The following PGR variants were observed in gnomAD, a reference collection of about 807,000 sequenced individuals.
The protein encoded by PGR is progesterone receptor, also known as nuclear receptor subfamily 3 group C member 3.
PGR carries 25 observed loss-of-function variants against 76.1 expected under a neutral mutation model. That is an observed-to-expected ratio of 0.33 (90% CI 0.24 to 0.46). The LOEUF (loss-of-function observed/expected upper bound fraction) is 0.46, where lower values mean the gene tolerates loss of function less well. Among genes scored for constraint, PGR ranks in the 20% least tolerant of loss-of-function variants. The probability of loss-of-function intolerance (pLI) is 1.00; values close to 1 mark genes in which losing one functional copy is unlikely to be tolerated. For synonymous variants in PGR, 579 were observed against 535.0 expected, an observed-to-expected ratio of 1.08 and a Z score of -1.14; for missense variants, 1,172 against 1,225.3, an observed-to-expected ratio of 0.96 and a Z score of 0.65.
At chr11:101,046,572 T>C (rs1859896263) in intron 6 of PGR, among the ~76,000 whole-genome samples, 1 of 151,974 alleles carries the variant, frequency 6.6e-6, no homozygotes, top group South Asian at 2.1e-4. Flanking sequence ...TACCAAATTA[T>C]CAAAGTTTTA....
Position 101,041,930 on chromosome 11 carries a change from C to T in PGR, c.2646+15G>A. 1 of 1,606,438 alleles carries T rather than the reference C, an allele frequency of 6.2e-7. No homozygotes were observed. ...AGAATAATCATTGATATTCTGGAATCAACCAAATACTTACATCATGCAAGT... is the reference window on the plus strand; with the variant it reads ...AGAATAATCATTGATATTCTGGAATTAACCAAATACTTACATCATGCAAGT... On this transcript the variant is annotated intron_variant, in intron 7 of 7. Coordinates refer to ENST00000325455, the MANE Select transcript of PGR (RefSeq NM_000926.4).
chr11:101,114,651 A>T (rs1862445502), intron 2 of PGR, among the ~76,000 whole-genome samples: 1 of 151,982 alleles, frequency 6.6e-6, no homozygotes, highest in South Asian at 2.1e-4. Flanking sequence ...GAGTAAAATG[A>T]TCATGTACTT....
intron 2 of PGR, among the ~76,000 whole-genome samples, chr11:101,125,296 G>C (rs185138523): frequency 9.2e-5 from 14 of 152,152 alleles, no homozygotes; most frequent in African/African-American, 2.2e-4. Context: ...AAGTAAATCT[G>C]AAATCATTAA....
intron 2 of PGR, among the ~76,000 whole-genome samples, chr11:101,111,452 T>C (rs520017): frequency 0.12 from 17,829 of 152,224 alleles, 1,358 homozygotes; most frequent in Non-Finnish European, 0.16. Context: ...CTATTCCCCA[T>C]TGCTTCTAGA....
rs1042838 is a variant in PGR at position 101,062,681 on chromosome 11, C to A, written c.1978G>T (p.Val660Leu). The A allele has an allele frequency of 0.15, 237,660 of 1,613,600 alleles. 19,162 individuals are homozygous for A. Among genetic ancestry groups the A allele is most frequent in the Non-Finnish European group, 0.16 (191,821 of 1,179,686 alleles). ...GCTTGGCTTTCATTTGGAACGCCCA[C>A]TGGCTGTGGGAGAGCAACAGCATCC... Reference protein sequence around the residue: ...ALDAVALPQPVGVPNESQALS... With the variant: ...ALDAVALPQPLGVPNESQALS... Residue 660 changes from valine (V) to leucine (L), a missense_variant, in exon 4 of 8, where the codon GTG becomes TTG. Val to Leu is a conservative substitution (Grantham distance 32). Around this residue, in one of 4 missense-constraint regions of PGR, gnomAD observed 73 missense variants for 60.7 expected, o/e 1.20. Transcript: ENST00000325455.
At chr11:101,121,163 T>G (rs1862662126) in intron 2 of PGR, among the ~76,000 whole-genome samples, 1 of 152,200 alleles carries the variant, frequency 6.6e-6, no homozygotes, top group Non-Finnish European at 1.5e-5. Flanking sequence ...TCTAGTGAAT[T>G]ACTACATATT....
At chr11:101,083,003 C>A (rs572775) in intron 3 of PGR, among the ~76,000 whole-genome samples, 3 of 152,152 alleles carry the variant, frequency 2.0e-5, no homozygotes, top group Non-Finnish European at 2.9e-5. Context: ...ACAGCAGCCC[C>A]TCCCATCACA....
Position 101,129,054 on chromosome 11 carries a change from G to A in PGR, c.17C>T (p.Ala6Val), listed in dbSNP as rs202123793. Residue 6 changes from alanine to valine, a missense_variant, in exon 1 of 8, where the codon GCA becomes GTA. Ala to Val is a moderately conservative substitution (Grantham distance 64). Transcript: ENST00000325455. The part of the protein sequence containing the change: MTELK[A>V]KGPRAPHVAG... ...CACGTGGGGAGCCCGGGGACCCTTT[G>A]CCTTCAGCTCAGTCATGACGACTGG... is the stretch of plus-strand genomic sequence containing the variant. 1.3e-6 allele frequency: 2 copies of A among 1,554,962 alleles called. No individual in the cohort carries two copies. The highest frequency in any genetic ancestry group is 4.7e-5 in the East Asian group (2 of 42,476).
Position 101,128,161 on chromosome 11 carries a change from T to A in PGR, c.910A>T (p.Ile304Phe), listed in dbSNP as rs1160724466. The change falls in exon 1 of 8, where the codon ATC becomes TTC. Residue 304 changes from isoleucine to phenylalanine, a missense_variant. By Grantham distance (21) the Ile-to-Phe change is conservative. Around this residue, in one of 4 missense-constraint regions of PGR, gnomAD observed 893 missense variants for 785.9 expected, o/e 1.14. Transcript: ENST00000325455. ...TTGAGAGGCAGGATAGGCACGTGGA[T>A]GAAATCCATCACCGTGGTGGCCAGC... ...SPLATTVMDF[I>F]HVPILPLNHA... The A allele has an allele frequency of 6.3e-7, 1 of 1,598,124 alleles. No homozygotes were observed. Among genetic ancestry groups the A allele is most frequent in the African/African-American group, 1.3e-5 (1 of 74,874 alleles).
chr11:101,062,610 C>T lies in PGR; in HGVS notation c.2049G>A (p.Leu683=), dbSNP rs1302610596. Residue 683 remains leucine (L), a synonymous_variant, in exon 4 of 8, where the codon TTG becomes TTA. Coordinates refer to ENST00000325455, the MANE Select transcript of PGR (RefSeq NM_000926.4). ...TTAACAGGTTGATCAGTGGTGGAAT[C>T]AACTGTATGTCTTGACCTGGTGAAA... ...FTFSPGQDIQ[L]IPPLINLLMS... is the part of the protein sequence containing the mutation. 1.9e-6 allele frequency: 3 copies of T among 1,613,852 alleles called. No homozygotes were observed. The highest frequency in any genetic ancestry group is 3.3e-5 in the Admixed American group (2 of 59,978).
intron 2 of PGR, among the ~76,000 whole-genome samples, chr11:101,111,792 A>G (rs910850867): frequency 1.3e-5 from 2 of 152,150 alleles, no homozygotes; most frequent in Non-Finnish European, 2.9e-5. Context: ...TCTGGGCTGG[A>G]GATAGAAATT....
chr11:101,058,517 A>C (rs1236022364), intron 4 of PGR, among the ~76,000 whole-genome samples: 2 of 152,218 alleles, frequency 1.3e-5, no homozygotes, highest in African/African-American at 4.8e-5. Context: ...TGATAATTGC[A>C]AGTAGTCTGG....
chr11:101,084,215 T>A (rs952708730), intron 3 of PGR, among the ~76,000 whole-genome samples: 1 of 152,200 alleles, frequency 6.6e-6, no homozygotes, highest in Admixed American at 6.5e-5. Context: ...CTGCCTTGAT[T>A]GTAAGTTTCC....
rs867146344 is a variant in PGR at position 101,036,582 on chromosome 11, G to T, written c.*2534C>A. The T allele has an allele frequency of 4.6e-5, 9 of 196,330 alleles. No individual in the cohort carries two copies. Among genetic ancestry groups the T allele is most frequent in the Middle Eastern group, 1.8e-3 (1 of 568 alleles). The allele number at this position is 196,330 out of a possible 1,614,324, so 12.2% of individuals were successfully genotyped here. On this transcript the variant is annotated 3_prime_UTR_variant, in exon 8 of 8. Transcript: ENST00000325455. ...ACATTAGTAGATAGGACTTTGTAGAGAAAAAGATTTAGAAATTAGGTATTT... is the reference window on the plus strand; with the variant it reads ...ACATTAGTAGATAGGACTTTGTAGATAAAAAGATTTAGAAATTAGGTATTT...
chr11:101,128,903 G>A lies in PGR; in HGVS notation c.168C>T (p.Asp56=), dbSNP rs201221939. 1.5e-5 allele frequency: 25 copies of A among 1,613,956 alleles called. No homozygotes were observed. In the Admixed American group the frequency reaches 4.0e-4, roughly 26 times the overall value. ...GGCAGGGCCGAGGGAAGAGTAGCCC[G>A]TCCAGGGAGATAGGTATGGCCGAAA... ...PEVSAIPISL[D]GLLFPRPCQG... Residue 56 remains aspartate (D), a synonymous_variant, in exon 1 of 8, where the codon GAC becomes GAT. Coordinates refer to ENST00000325455, the MANE Select transcript of PGR (RefSeq NM_000926.4).
In PGR at chr11:101,128,333, G is replaced by T. The variant is rs1474208702; in HGVS notation, c.738C>A (p.Gly246=). 6.9e-6 allele frequency: 11 copies of T among 1,598,024 alleles called. No individual in the cohort carries two copies. The highest frequency in any genetic ancestry group is 8.5e-6 in the Non-Finnish European group (10 of 1,177,640). The change falls in exon 1 of 8, where the codon GGC becomes GGA. Residue 246 remains glycine, a synonymous_variant. Coordinates refer to ENST00000325455, the MANE Select transcript of PGR (RefSeq NM_000926.4). ...CCGCGGCTCCTCCTCCAGCCGCCGC[G>T]CCACCCAGAGCCCGAGGTTTGCCCT... ...LLKGKPRALG[G]AAAGGGAAAV...
intron 7 of PGR, 176 bp downstream of exon 7, chr11:101,041,769 T>C: frequency 1.7e-6 from 1 of 600,254 alleles, no homozygotes; most frequent in South Asian, 2.0e-5. Flanking sequence ...GAGTGGTCTA[T>C]ATTGAAAATG....
At chr11:101,039,635 A>G (rs1859632568) in intron 7 of PGR, among the ~76,000 whole-genome samples, 1 of 151,950 alleles carries the variant, frequency 6.6e-6, no homozygotes, top group Admixed American at 6.6e-5. Flanking sequence ...CATAAATTCT[A>G]TTTGCTAATC....
At chr11:101,098,301 A>G (rs2135466225) in intron 2 of PGR, among the ~76,000 whole-genome samples, 1 of 152,320 alleles carries the variant, frequency 6.6e-6, no homozygotes, top group Middle Eastern at 3.4e-3. Context: ...GCTTCTCAAT[A>G]TGAGCACAAG....
Sources: allele counts gnomAD v4.1 joint callset (sites outside exome capture counted in the v4.1 genomes callset), GRCh38; gene constraint gnomAD v4.1.1; regional missense constraint gnomAD v4.1.1; transcripts MANE v1.5; gene names NCBI Gene and HGNC (gene_info 2026-07-23, HGNC 2026-07-21).